The following CSMD3 variants were observed in gnomAD, a reference collection of about 807,000 sequenced individuals.
The protein encoded by CSMD3 is CUB and Sushi multiple domains 3, also known as CUB and sushi domain-containing protein 3.
Under a neutral mutation model 435.2 loss-of-function variants are expected in CSMD3, and 177 were observed. The ratio of observed to expected loss-of-function variants is 0.41; its 90% CI spans 0.36 to 0.46. CSMD3 has a LOEUF of 0.46. Among genes scored for constraint, CSMD3 ranks in the 20% least tolerant of loss-of-function variants. The pLI is 0.34. For missense variants in CSMD3, 4,265 were observed against 4,504.6 expected (o/e 0.95, Z 1.52); for synonymous variants, 1,656 against 1,520.5 (o/e 1.09, Z -2.07).
At chr8:112,725,049 A>G (rs750971994) in intron 13 of CSMD3, among the ~76,000 whole-genome samples, 4 of 152,062 alleles carry the variant, frequency 2.6e-5, no homozygotes, top group Non-Finnish European at 5.9e-5. Flanking sequence ...TGGAAAGAGG[A>G]AAATCAAAGT....
intron 6 of CSMD3, among the ~76,000 whole-genome samples, chr8:112,980,620 TA>T (rs954395165): frequency 1.3e-5 from 2 of 151,532 alleles, no homozygotes; most frequent in African/African-American, 2.4e-5. Context: ...TAATGTTTGT[TA>T]TTTTTTTCTT....
At chr8:113,053,813 T>G (rs1298511046) in intron 5 of CSMD3, among the ~76,000 whole-genome samples, 1 of 152,158 alleles carries the variant, frequency 6.6e-6, no homozygotes, top group East Asian at 1.9e-4. Flanking sequence ...AGCTTAAGCA[T>G]ACATGCAATG....
chr8:112,641,270 C>T (rs1303792982), intron 20 of CSMD3, among the ~76,000 whole-genome samples: 1 of 152,128 alleles, frequency 6.6e-6, no homozygotes, highest in East Asian at 1.9e-4. Flanking sequence ...TCTTTCACTA[C>T]TGCAAAACAA....
At chr8:112,436,661 C>T (rs1277469400) in intron 32 of CSMD3, among the ~76,000 whole-genome samples, 1 of 151,738 alleles carries the variant, frequency 6.6e-6, no homozygotes. Context: ...AATACATATA[C>T]AAAGATATGC....
chr8:112,859,202 G>A lies in CSMD3; in HGVS notation c.1698C>T (p.Phe566=), dbSNP rs1460232733. ...CACATTGTGCATTGCTGTCATACTGGAACGGAAAGTTGGGAGATGTAAAGG... is the reference window on the plus strand; with the variant it reads ...CACATTGTGCATTGCTGTCATACTGAAACGGAAAGTTGGGAGATGTAAAGG... ...SGTFTSPNFP[F]QYDSNAQCVW... Residue 566 remains phenylalanine (F), a synonymous_variant, in exon 11 of 71, where the codon TTC becomes TTT. Transcript: ENST00000297405. 3.1e-6 allele frequency: 5 copies of A among 1,610,648 alleles called. No individual in the cohort carries two copies. The highest frequency in any genetic ancestry group is 2.7e-5 in the African/African-American group (2 of 74,766).
intron 38 of CSMD3, among the ~76,000 whole-genome samples, chr8:112,378,105 A>G (rs1053735035): frequency 6.6e-6 from 1 of 151,894 alleles, no homozygotes; most frequent in Non-Finnish European, 1.5e-5. Context: ...CAACATGATG[A>G]CTCCACGGAC....
Position 113,136,949 on chromosome 8 carries a change from CAG to C in CSMD3, c.709+36771_709+36772del, listed in dbSNP as rs377571575. On this transcript the variant is annotated intron_variant, in intron 4 of 70. Transcript: ENST00000297405. ...AAGAAGAAATATTCTCTGGATAAAA[CAG>C]AGAGTAAATTTACACAGAAATAAAT... Among the ~76,000 whole-genome samples, 21 of 151,748 alleles carry C rather than the reference CAG, an allele frequency of 1.4e-4. 1 individual carries two copies. Among genetic ancestry groups the C allele is most frequent in the African/African-American group, 4.8e-4 (20 of 41,462 alleles).
intron 49 of CSMD3, among the ~76,000 whole-genome samples, chr8:112,312,336 C>T (rs773035837): frequency 8.5e-5 from 13 of 152,140 alleles, no homozygotes; most frequent in South Asian, 4.1e-4. Context: ...CTCATTGCAA[C>T]GCCCACCTCC....
At chr8:113,291,950 A>G (rs1235228413) in intron 2 of CSMD3, among the ~76,000 whole-genome samples, 1 of 151,880 alleles carries the variant, frequency 6.6e-6, no homozygotes, top group African/African-American at 2.4e-5. Flanking sequence ...TAGAAGTTCT[A>G]CTTACACATC....
At chr8:112,776,673 A>C (rs1348799103) in intron 13 of CSMD3, among the ~76,000 whole-genome samples, 1 of 151,774 alleles carries the variant, frequency 6.6e-6, no homozygotes, top group East Asian at 1.9e-4. Context: ...TTGACCAAAA[A>C]TCCTATTACA....
At position 113,141,665 on chromosome 8, in the gene CSMD3, G is replaced by C. The variant is rs1174950848; in HGVS notation, c.709+32057C>G. On this transcript the variant is annotated intron_variant, in intron 4 of 70. Coordinates refer to ENST00000297405, the MANE Select transcript of CSMD3 (RefSeq NM_198123.2). ...TGATTTAAAAAAACTCAGAAAAAAA[G>C]AATAGCAGTGAACTTTCTCAACATA... Among the ~76,000 whole-genome samples, 3 of 150,732 alleles carry C rather than the reference G, an allele frequency of 2.0e-5. No homozygotes were observed. In the South Asian group the frequency reaches 6.2e-4, roughly 31 times the overall value.
At chr8:113,197,217 C>T (rs2092667353) in intron 3 of CSMD3, among the ~76,000 whole-genome samples, 1 of 151,114 alleles carries the variant, frequency 6.6e-6, no homozygotes, top group South Asian at 2.1e-4. Flanking sequence ...CTATGTCTGA[C>T]TTCATGTGAT....
At chr8:113,377,127 C>T (rs1431021722) in intron 1 of CSMD3, 9 of 1,258,218 alleles carry the variant, frequency 7.2e-6, no homozygotes, top group African/African-American at 1.5e-5. Flanking sequence ...TCCGGCTCTC[C>T]GGTCCTCCAA....
chr8:112,878,361 AATG>A (rs901303366), intron 10 of CSMD3, among the ~76,000 whole-genome samples: 6 of 152,170 alleles, frequency 3.9e-5, no homozygotes, highest in African/African-American at 1.4e-4. Context: ...TCAAAACCAC[AATG>A]ATATACCATC....
intron 28 of CSMD3, among the ~76,000 whole-genome samples, chr8:112,513,192 T>G (rs1188642878): frequency 6.6e-6 from 1 of 152,238 alleles, no homozygotes; most frequent in Non-Finnish European, 1.5e-5. Context: ...ATTTTACTTT[T>G]GCATTCAGAA....
intron 22 of CSMD3, among the ~76,000 whole-genome samples, chr8:112,632,321 TAG>T (rs2074538101): frequency 6.6e-6 from 1 of 152,020 alleles, no homozygotes; most frequent in South Asian, 2.1e-4. Context: ...ATGTGTAATA[TAG>T]AGTTATCATT....
rs191609373 is a variant in CSMD3 at position 112,438,008 on chromosome 8, C to T, written c.5396-28976G>A. Among the ~76,000 whole-genome samples, 631 of 152,198 alleles carry T rather than the reference C, an allele frequency of 4.1e-3. 1 individual carries two copies. Among genetic ancestry groups the T allele is most frequent in the South Asian group, 6.6e-3 (32 of 4,824 alleles). ...TCATCTACCCCACATTATTAACCCT[C>T]GAAGGGCAGAAACATGAACTTCCCT... On this transcript the variant is annotated intron_variant, in intron 32 of 70. Coordinates refer to ENST00000297405, the MANE Select transcript of CSMD3 (RefSeq NM_198123.2).
chr8:112,382,291 C>CAAAAAAAAAAAAAAAAAAAAA (rs11384093), intron 37 of CSMD3, among the ~76,000 whole-genome samples: 2 of 116,758 alleles, frequency 1.7e-5, no homozygotes, highest in Non-Finnish European at 3.4e-5. Flanking sequence ...CTCTAAAATG[C>CAAAAAAAAAAAAAAAAAAAAA]AAAAAAAAAA....
At chr8:112,806,451 C>T (rs1469539600) in intron 12 of CSMD3, among the ~76,000 whole-genome samples, 4 of 152,194 alleles carry the variant, frequency 2.6e-5, no homozygotes, top group Non-Finnish European at 5.9e-5. Flanking sequence ...CCCTTACCTG[C>T]AGTCACTTAT....
Sources: gnomAD v4.1 joint callset for allele counts (sites outside exome capture counted in the v4.1 genomes callset) on GRCh38, gnomAD v4.1.1 for gene constraint, MANE v1.5 for transcripts, NCBI Gene and HGNC (gene_info 2026-07-23, HGNC 2026-07-21) for gene names.